Variants in HIPK2 observed in about 807,000 individuals in gnomAD.
HIPK2 encodes homeodomain-interacting protein kinase 2.
In HIPK2, 27 loss-of-function variants were observed where a neutral mutation model predicts 113.7. The ratio of observed to expected loss-of-function variants is 0.24; its 90% CI spans 0.17 to 0.33. HIPK2 has a LOEUF of 0.33. HIPK2 is among the 10% of genes least tolerant of loss of function. The probability of loss-of-function intolerance (pLI) is 1.00; values close to 1 mark genes in which losing one functional copy is unlikely to be tolerated. For synonymous variants in HIPK2, 631 were observed against 642.2 expected (o/e 0.98, Z 0.26); for missense variants, 1,257 against 1,588.0 (o/e 0.79, Z 3.54).
At chr7:139,775,255 G>C (rs567708978) in intron 1 of HIPK2, among the ~76,000 whole-genome samples, 18 of 152,192 alleles carry the variant, frequency 1.2e-4, no homozygotes, top group Non-Finnish European at 2.6e-4. Flanking sequence ...GGAAAAATCA[G>C]GTTTCCTGAA....
intron 1 of HIPK2, among the ~76,000 whole-genome samples, chr7:139,772,170 G>T (rs1270681449): frequency 1.3e-5 from 2 of 152,176 alleles, no homozygotes; most frequent in East Asian, 3.8e-4. Context: ...TGAATGATCT[G>T]CTCTGGGTAA....
At chr7:139,584,589 C>T (rs571546923) in intron 12 of HIPK2, among the ~76,000 whole-genome samples, 36 of 152,338 alleles carry the variant, frequency 2.4e-4, no homozygotes, top group African/African-American at 8.2e-4. Flanking sequence ...TGGGATGCAG[C>T]GTGAGGCTCT....
At chr7:139,580,769 G>C (rs1798641845) in intron 13 of HIPK2, among the ~76,000 whole-genome samples, 1 of 152,232 alleles carries the variant, frequency 6.6e-6, no homozygotes, top group African/African-American at 2.4e-5. Flanking sequence ...CTCCATGTAG[G>C]GCTGTGATGA....
intron 13 of HIPK2, among the ~76,000 whole-genome samples, chr7:139,582,065 G>C (rs993651480): frequency 6.6e-6 from 1 of 152,152 alleles, no homozygotes. Context: ...TGCCTCCCAG[G>C]GCCCTTTGGT....
chr7:139,573,434 C>T (rs908702980), intron 14 of HIPK2, 37 bp from the exon 15 acceptor site: 9 of 1,584,088 alleles, frequency 5.7e-6, no homozygotes, highest in Non-Finnish European at 6.8e-6. Flanking sequence ...CGTCAGGGGC[C>T]GACACATGGG....
intron 2 of HIPK2, among the ~76,000 whole-genome samples, chr7:139,647,673 A>G (rs1048413771): frequency 1.3e-5 from 2 of 152,166 alleles, no homozygotes; most frequent in African/African-American, 4.8e-5. Flanking sequence ...GATACTATTT[A>G]CCTACCTGAA....
Position 139,567,531 on chromosome 7 carries a change from G to T in HIPK2, c.*5396C>A, listed in dbSNP as rs1798131996. On this transcript the variant is annotated 3_prime_UTR_variant, in exon 15 of 15. Transcript: ENST00000406875. The stretch of plus-strand genomic sequence containing the variant: ...ATTTCTGGAGGCGTCTTTGAGAAGG[G>T]TTCTTTGGCTAAAGAAAGGAACAGT... The T allele has an allele frequency of 6.6e-6, 1 of 152,154 alleles. No homozygotes were observed. Among genetic ancestry groups the T allele is most frequent in the African/African-American group, 2.4e-5 (1 of 41,438 alleles). 9.4% of individuals were successfully genotyped at this position (152,154 alleles called of 1,614,324 possible).
chr7:139,597,074 A>G lies in HIPK2; in HGVS notation c.2436-76T>C, dbSNP rs1799247811. On this transcript the variant is annotated intron_variant, in intron 11 of 14. Transcript: ENST00000406875. ...CTCCTTCGAAGGAGCCCAATTGCCTAGAAACACCTGCTTTGCCAAATCTCT... is the reference window on the plus strand; with the variant it reads ...CTCCTTCGAAGGAGCCCAATTGCCTGGAAACACCTGCTTTGCCAAATCTCT... 4.8e-6 allele frequency: 7 copies of G among 1,464,864 alleles called. No homozygotes were observed. In the South Asian group the frequency reaches 5.3e-5, roughly 11 times the overall value. The allele number at this position is 1,464,864 out of a possible 1,614,324, so 90.7% of individuals were successfully genotyped here.
chr7:139,761,063 C>T (rs1025049615), intron 1 of HIPK2, among the ~76,000 whole-genome samples: 5 of 152,128 alleles, frequency 3.3e-5, no homozygotes, highest in East Asian at 1.9e-4. Context: ...AAAAAAACCA[C>T]GTGTTACTAC....
intron 2 of HIPK2, among the ~76,000 whole-genome samples, chr7:139,677,521 G>T (rs1398766206): frequency 1.3e-5 from 2 of 152,122 alleles, no homozygotes; most frequent in African/African-American, 4.8e-5. Flanking sequence ...CACAGCGGAA[G>T]GCAGAAGGTC....
At chr7:139,583,089 G>A (rs888205710) in intron 13 of HIPK2, among the ~76,000 whole-genome samples, 3 of 152,206 alleles carry the variant, frequency 2.0e-5, no homozygotes, top group Non-Finnish European at 4.4e-5. Context: ...GCTTGGGTGT[G>A]GTTTGTGGCG....
At chr7:139,665,949 C>CTTTTTTTTTT (rs375858246) in intron 2 of HIPK2, among the ~76,000 whole-genome samples, 1 of 145,600 alleles carries the variant, frequency 6.9e-6, no homozygotes. Flanking sequence ...AGGAGGTCTG[C>CTTTTTTTTTT]CTTTTTTTTT....
At chr7:139,771,366 G>A (rs1479470719) in intron 1 of HIPK2, among the ~76,000 whole-genome samples, 1 of 151,882 alleles carries the variant, frequency 6.6e-6, no homozygotes, top group Non-Finnish European at 1.5e-5. Context: ...AAGTTGAGGG[G>A]TGAAATGCAA....
intron 1 of HIPK2, chr7:139,722,075 T>C: frequency 2.2e-6 from 1 of 461,726 alleles, no homozygotes; most frequent in Non-Finnish European, 4.4e-6. Context: ...ATGCATGGGG[T>C]TCTTACATGC....
chr7:139,580,422 G>C (rs1798630619), intron 13 of HIPK2, among the ~76,000 whole-genome samples: 1 of 152,222 alleles, frequency 6.6e-6, no homozygotes, highest in Non-Finnish European at 1.5e-5. Flanking sequence ...TCCTGAAGGG[G>C]ACCAAGAGAT....
intron 2 of HIPK2, among the ~76,000 whole-genome samples, chr7:139,643,450 C>T (rs867109662): frequency 3.3e-5 from 5 of 152,282 alleles, no homozygotes; most frequent in Middle Eastern, 3.4e-3. Context: ...TGCTCCAACT[C>T]TGCTAAGCGT....
intron 12 of HIPK2, 185 bp from the exon 13 acceptor site, chr7:139,584,249 G>A (rs995694405): frequency 3.5e-6 from 1 of 281,992 alleles, no homozygotes; most frequent in East Asian, 1.7e-4. Context: ...CCGGCAGCAG[G>A]GGGACATGTG....
intron 2 of HIPK2, among the ~76,000 whole-genome samples, chr7:139,701,981 C>A (rs1228581271): frequency 6.6e-6 from 1 of 152,076 alleles, no homozygotes; most frequent in African/African-American, 2.4e-5. Context: ...ACTTCGAATC[C>A]CAGAGCTTCT....
chr7:139,610,182 C>T (rs1466916838), intron 9 of HIPK2, among the ~76,000 whole-genome samples: 3 of 152,188 alleles, frequency 2.0e-5, no homozygotes, highest in African/African-American at 7.2e-5. Flanking sequence ...CCAAACTGAA[C>T]AACGAAGAAT....
Sources: allele counts gnomAD v4.1 joint callset (sites outside exome capture counted in the v4.1 genomes callset), GRCh38; gene constraint gnomAD v4.1.1; transcripts MANE v1.5; gene names NCBI Gene and HGNC (gene_info 2026-07-23, HGNC 2026-07-21).